RASAL2: variants seen among roughly 807,000 people sequenced by gnomAD.
The protein encoded by RASAL2 is ras GTPase-activating protein nGAP.
RASAL2 carries 58 observed loss-of-function variants against 128.9 expected under a neutral mutation model. That is an observed-to-expected ratio of 0.45 (90% CI 0.36 to 0.56). RASAL2 has a LOEUF of 0.56. Ranked by LOEUF, RASAL2 falls within the 20% of genes least tolerant of loss-of-function variation. The pLI, the probability that RASAL2 is intolerant of heterozygous loss-of-function variation, is 0.00. For synonymous variants in RASAL2, 561 were observed against 580.8 expected (o/e 0.97, Z 0.49); for missense variants, 1,360 against 1,601.6 (o/e 0.85, Z 2.57).
chr1:178,144,946 GTA>G (rs1660666923), intron 1 of RASAL2, among the ~76,000 whole-genome samples: 1 of 152,138 alleles, frequency 6.6e-6, no homozygotes, highest in Non-Finnish European at 1.5e-5. Context: ...CTATTATTTA[GTA>G]TCCTTTTGCT....
intron 9 of RASAL2, among the ~76,000 whole-genome samples, chr1:178,450,911 C>A (rs541991048): frequency 6.6e-6 from 1 of 152,196 alleles, no homozygotes; most frequent in African/African-American, 2.4e-5. Flanking sequence ...ATGGTGTATA[C>A]TAGAGGATAA....
chr1:178,181,416 G>A (rs1662102742), intron 1 of RASAL2, among the ~76,000 whole-genome samples: 1 of 151,118 alleles, frequency 6.6e-6, no homozygotes, highest in Admixed American at 6.6e-5. Flanking sequence ...GGAGTGCAGT[G>A]GCGCGATCTC....
chr1:178,329,820 TG>T (rs1669204014), intron 3 of RASAL2, among the ~76,000 whole-genome samples: 1 of 151,824 alleles, frequency 6.6e-6, no homozygotes, highest in Non-Finnish European at 1.5e-5. Flanking sequence ...TGCTCCAGCC[TG>T]GGTGACAGAG....
rs556269505 is a variant in RASAL2, at chr1:178,389,829, A to T, written c.458-271A>T. Among the ~76,000 whole-genome samples the T allele has an allele frequency of 2.5e-4, 38 of 152,366 alleles. 1 individual carries two copies. The highest frequency in any genetic ancestry group is 6.8e-3 in the Middle Eastern group (2 of 294). ...ATGCAACTATTAAGTGAACTTAAAG[A>T]TATTAAACATAGCTCAGAGGAAATT... On this transcript the variant is annotated intron_variant, in intron 3 of 17. Coordinates refer to ENST00000367649, the MANE Select transcript of RASAL2 (RefSeq NM_170692.4).
At chr1:178,267,245 T>C (rs1666000563) in intron 1 of RASAL2, among the ~76,000 whole-genome samples, 1 of 152,188 alleles carries the variant, frequency 6.6e-6, no homozygotes, top group Admixed American at 6.5e-5. Flanking sequence ...CATTTACATA[T>C]CTCTCTTAAT....
chr1:178,440,968 G>A (rs1374223523), intron 6 of RASAL2, among the ~76,000 whole-genome samples: 3 of 125,758 alleles, frequency 2.4e-5, no homozygotes, highest in African/African-American at 9.0e-5. Context: ...ACTCAAAGTT[G>A]AACATATTTA....
chr1:178,421,599 A>G, intron 5 of RASAL2, among the ~76,000 whole-genome samples: 1 of 152,244 alleles, frequency 6.6e-6, no homozygotes, highest in Non-Finnish European at 1.5e-5. Flanking sequence ...TAGTAGAGCT[A>G]AGATTTGAAC....
At position 178,473,615 on chromosome 1, in the gene RASAL2, G is replaced by C; in HGVS notation, c.*376G>C. ...AAGTAAAGTAGGAACTGTTGTGTGA[G>C]CGAGACATGAGCCTGTAGGTTCAGT... is the stretch of plus-strand genomic sequence containing the variant. On this transcript the variant is annotated 3_prime_UTR_variant, in exon 18 of 18. Transcript: ENST00000367649. 3.9e-6 allele frequency: 1 copy of C among 255,392 alleles called. No individual in the cohort carries two copies. The highest frequency in any genetic ancestry group is 7.6e-6 in the Non-Finnish European group (1 of 132,124). 15.8% of individuals were successfully genotyped at this position (255,392 alleles called of 1,614,324 possible).
chr1:178,397,772 ATTTTTTT>A (rs11358360), intron 4 of RASAL2, among the ~76,000 whole-genome samples: 1 of 142,508 alleles, frequency 7.0e-6, no homozygotes, highest in Non-Finnish European at 1.5e-5. Flanking sequence ...TACCTGGCTA[ATTTTTTT>A]TTTTTTTTTA....
intron 3 of RASAL2, among the ~76,000 whole-genome samples, chr1:178,323,376 A>C (rs1668886360): frequency 6.6e-6 from 1 of 152,216 alleles, no homozygotes; most frequent in African/African-American, 2.4e-5. Flanking sequence ...GGAGCATGTC[A>C]AAGTGAAAAA....
rs1053287194 is a variant in RASAL2 at position 178,411,804 on chromosome 1, C to T, written c.565-8707C>T. 5 of 774,034 alleles carry T rather than the reference C, an allele frequency of 6.5e-6. No individual in the cohort carries two copies. In the African/African-American group the frequency reaches 8.5e-5, roughly 13 times the overall value. The allele number at this position is 774,034 out of a possible 1,614,324, so 47.9% of individuals were successfully genotyped here. A position where few individuals can be genotyped will look rare whatever the true frequency, so the allele number is the denominator to read the frequency against. The stretch of plus-strand genomic sequence containing the variant: ...CTTTTTTGGCTGCCCAGGATGTGGC[C>T]CAGAGGTGCAAGGAGCCAGGTATCA... On this transcript the variant is annotated intron_variant, in intron 4 of 17. Coordinates refer to ENST00000367649, the MANE Select transcript of RASAL2 (RefSeq NM_170692.4).
chr1:178,175,892 GT>G (rs1661872143), intron 1 of RASAL2, among the ~76,000 whole-genome samples: 1 of 152,086 alleles, frequency 6.6e-6, no homozygotes. Flanking sequence ...TGTTGTCGTT[GT>G]TTTAATGGCA....
intron 5 of RASAL2, among the ~76,000 whole-genome samples, chr1:178,437,720 C>T (rs1294239804): frequency 2.0e-5 from 3 of 151,948 alleles, no homozygotes; most frequent in Non-Finnish European, 4.4e-5. Flanking sequence ...AATCAGGCTT[C>T]CCGTGTAGCA....
chr1:178,444,996 T>C (rs1676901869), intron 8 of RASAL2, among the ~76,000 whole-genome samples: 1 of 152,000 alleles, frequency 6.6e-6, no homozygotes, highest in Non-Finnish European at 1.5e-5. Flanking sequence ...AGCTGACTAA[T>C]GGAGTTCAGG....
At chr1:178,427,911 A>C (rs1219826694) in intron 5 of RASAL2, among the ~76,000 whole-genome samples, 1 of 152,054 alleles carries the variant, frequency 6.6e-6, no homozygotes, top group Non-Finnish European at 1.5e-5. Context: ...CTACCCCTTT[A>C]TAGTCATACC....
chr1:178,202,942 T>A (rs527376642), intron 1 of RASAL2, among the ~76,000 whole-genome samples: 1 of 152,182 alleles, frequency 6.6e-6, no homozygotes, highest in Non-Finnish European at 1.5e-5. Flanking sequence ...AAGGCTGACT[T>A]GGCCATGGCC....
At position 178,221,692 on chromosome 1, in the gene RASAL2, T is replaced by C. The variant is rs185409073; in HGVS notation, c.203-61872T>C. On this transcript the variant is annotated intron_variant, in intron 1 of 17. Transcript: ENST00000367649. ...TGACCTAGAATGTGGCCTATCTTGA[T>C]GAATGTTCCATGTGAGCTTGAGAAG... 5.3e-5 allele frequency among the ~76,000 whole-genome samples: 8 copies of C among 152,312 alleles called. No individual in the cohort carries two copies. The East Asian group carries it at 1.5e-3, about 29-fold the overall frequency.
chr1:178,426,833 C>CA (rs1428574435), intron 5 of RASAL2, among the ~76,000 whole-genome samples: 1 of 152,004 alleles, frequency 6.6e-6, no homozygotes, highest in Non-Finnish European at 1.5e-5. Flanking sequence ...CTATAAGAAA[C>CA]AAGGAGCCTT....
At chr1:178,198,680 T>C (rs1662759589) in intron 1 of RASAL2, among the ~76,000 whole-genome samples, 1 of 152,178 alleles carries the variant, frequency 6.6e-6, no homozygotes, top group African/African-American at 2.4e-5. Flanking sequence ...TGATCCTTTC[T>C]CTGGAAGCTT....
Sources: gnomAD v4.1 joint callset for allele counts (sites outside exome capture counted in the v4.1 genomes callset) on GRCh38, gnomAD v4.1.1 for gene constraint, MANE v1.5 for transcripts, NCBI Gene and HGNC (gene_info 2026-07-23, HGNC 2026-07-21) for gene names.